The following SMIM23 variants were observed in gnomAD, a reference collection of about 807,000 sequenced individuals.
SMIM23 encodes small integral membrane protein 23.
In SMIM23, 10 loss-of-function variants were observed where a neutral mutation model predicts 12.8. The ratio of observed to expected loss-of-function variants is 0.78; its 90% CI spans 0.48 to 1.32. The LOEUF is 1.32. SMIM23 is among the 40% of genes most tolerant of loss of function. The probability of loss-of-function intolerance (pLI) is 0.00; values close to 1 mark genes in which losing one functional copy is unlikely to be tolerated. For missense variants in SMIM23, 184 were observed against 198.2 expected (o/e 0.93, Z 0.43); for synonymous variants, 78 against 80.1 (o/e 0.97, Z 0.14).
At chr5:171,786,355 CAT>C (rs995288586) in intron 1 of SMIM23, among the ~76,000 whole-genome samples, 9 of 152,182 alleles carry the variant, frequency 5.9e-5, no homozygotes, top group Admixed American at 2.6e-4. Context: ...ATTCAAAACT[CAT>C]GTGGGATTTC....
At chr5:171,773,831 G>T in the SMIM23 span, 1 of 456,276 alleles carries the variant, frequency 2.2e-6, no homozygotes, top group Admixed American at 2.3e-5. Context: ...GTATGAGAAA[G>T]CTCCTAATTT....
chr5:171,785,066 A>G (rs1755789747), upstream of SMIM23, among the ~76,000 whole-genome samples: 1 of 152,220 alleles, frequency 6.6e-6, no homozygotes, highest in African/African-American at 2.4e-5. Flanking sequence ...GCCATCACGA[A>G]GCAGCACAAA....
In SMIM23 at chr5:171,790,832, C is replaced by A. The variant is rs1755909369; in HGVS notation, c.263C>A (p.Pro88Gln). The change falls in exon 4 of 4, where the codon CCG becomes CAG. Residue 88 changes from proline (P) to glutamine (Q), a missense_variant. Physicochemically the swap from Pro to Gln is moderately conservative, Grantham distance 76 (BLOSUM62 -1). Coordinates refer to ENST00000523047, the MANE Select transcript of SMIM23 (RefSeq NM_001289970.2). ...EYQTNEPSEE[P>Q]IKTIRNWLKE... ...CAGACCAACGAGCCCTCAGAAGAAC[C>A]GATAAAGACCATCAGGAACTGGCTG... 2.0e-6 allele frequency: 3 copies of A among 1,536,030 alleles called. No homozygotes were observed. The highest frequency in any genetic ancestry group is 2.6e-6 in the Non-Finnish European group (3 of 1,146,900).
chr5:171,789,225 G>A (rs1348772979), intron 1 of SMIM23, among the ~76,000 whole-genome samples: 2 of 152,192 alleles, frequency 1.3e-5, no homozygotes, highest in Non-Finnish European at 2.9e-5. Flanking sequence ...TATATAAAAA[G>A]GCTAGCTAAT....
chr5:171,775,372 G>A, the SMIM23 span, among the ~76,000 whole-genome samples: 62 of 150,698 alleles, frequency 4.1e-4, no homozygotes, highest in African/African-American at 1.5e-3. Flanking sequence ...CTGCTGTCAC[G>A]TGTCTCCTGG....
At chr5:171,780,545 G>A (rs1160040284), upstream of SMIM23, among the ~76,000 whole-genome samples, 1 of 152,098 alleles carries the variant, frequency 6.6e-6, no homozygotes, top group Admixed American at 6.5e-5. Context: ...TTTTTTGTGT[G>A]TGACTGTAAT....
chr5:171,772,987 G>A, the SMIM23 span, among the ~76,000 whole-genome samples: 10 of 152,278 alleles, frequency 6.6e-5, no homozygotes, highest in South Asian at 1.2e-3. Flanking sequence ...TGCCAGCAGC[G>A]AGTTGTAGGG....
Position 171,788,175 on chromosome 5 carries a change from C to CAA in SMIM23, c.106-2054_106-2053insAA, listed in dbSNP as rs1485629016. 4.7e-5 allele frequency among the ~76,000 whole-genome samples: 5 copies of CAA among 105,732 alleles called. No individual in the cohort carries two copies. In the African/African-American group the frequency reaches 6.2e-4, roughly 13 times the overall value. The allele number at this position is 105,732 out of a possible 152,430, so 69.4% of individuals were successfully genotyped here. A position where few individuals can be genotyped will look rare whatever the true frequency, so the allele number is the denominator to read the frequency against. ...CAGTCAATATGCACACACACACAAA[C>CAA]ACACACACACACACACACACACATA... On this transcript the variant is annotated intron_variant, in intron 1 of 3. Coordinates refer to ENST00000523047, the MANE Select transcript of SMIM23 (RefSeq NM_001289970.2).
At chr5:171,782,251 G>A (rs9918292), upstream of SMIM23, among the ~76,000 whole-genome samples, 1,776 of 152,344 alleles carry the variant, frequency 0.012, 36 homozygotes, top group African/African-American at 0.04. Context: ...AGATGGTTAT[G>A]TTGGATATTC....
upstream of SMIM23, among the ~76,000 whole-genome samples, chr5:171,781,422 GT>G (rs1755723638): frequency 1.3e-5 from 2 of 152,148 alleles, no homozygotes; most frequent in African/African-American, 4.8e-5. Flanking sequence ...CTATGTAACT[GT>G]CATACCTCAT....
At chr5:171,784,280 C>T (rs1164611534), upstream of SMIM23, among the ~76,000 whole-genome samples, 10 of 151,972 alleles carry the variant, frequency 6.6e-5, no homozygotes, top group Admixed American at 6.6e-4. Context: ...CCGAGGCAAG[C>T]GGATCACAAG....
At chr5:171,783,518 A>T (rs945649313), upstream of SMIM23, among the ~76,000 whole-genome samples, 4 of 152,244 alleles carry the variant, frequency 2.6e-5, no homozygotes, top group African/African-American at 9.6e-5. Flanking sequence ...TAAGCAAAAA[A>T]ATTAACCTTA....
chr5:171,774,407 G>T, the SMIM23 span: 1 of 456,206 alleles, frequency 2.2e-6, no homozygotes, highest in Admixed American at 2.3e-5. Flanking sequence ...GCAGTTAGCA[G>T]AAACAATATG....
At chr5:171,786,859 G>A (rs1581074051) in intron 1 of SMIM23, among the ~76,000 whole-genome samples, 1 of 152,186 alleles carries the variant, frequency 6.6e-6, no homozygotes, top group South Asian at 2.1e-4. Context: ...GCTTGGGGAA[G>A]GCTGCATACC....
At chr5:171,781,894 T>G (rs531784757), upstream of SMIM23, among the ~76,000 whole-genome samples, 1 of 152,254 alleles carries the variant, frequency 6.6e-6, no homozygotes, top group African/African-American at 2.4e-5. Context: ...CAATCAGCAC[T>G]CTGTAAAAAA....
upstream of SMIM23, among the ~76,000 whole-genome samples, chr5:171,784,110 A>T (rs536931094): frequency 2.2e-4 from 33 of 152,140 alleles, no homozygotes; most frequent in African/African-American, 6.5e-4. Flanking sequence ...AATAAAATTT[A>T]AAAAAAAGAA....
the SMIM23 span, among the ~76,000 whole-genome samples, chr5:171,773,455 A>C: frequency 7.4e-6 from 1 of 134,916 alleles, no homozygotes; most frequent in African/African-American, 2.9e-5. Context: ...GGTTAATCCA[A>C]TTAACAGATA....
the SMIM23 span, chr5:171,773,977 C>A: frequency 2.6e-6 from 1 of 388,772 alleles, no homozygotes; most frequent in South Asian, 2.0e-5. Flanking sequence ...AATTTACATA[C>A]GCCATTTGTG....
the SMIM23 span, chr5:171,773,929 G>A: frequency 4.6e-6 from 2 of 438,682 alleles, no homozygotes; most frequent in Non-Finnish European, 9.1e-6. Context: ...ACTACACCAA[G>A]GAGGTGGGGC....
Sources: gnomAD v4.1 joint callset for allele counts (sites outside exome capture counted in the v4.1 genomes callset) on GRCh38, gnomAD v4.1.1 for gene constraint, MANE v1.5 for transcripts, NCBI Gene and HGNC (gene_info 2026-07-23, HGNC 2026-07-21) for gene names.